Variants in RNF213 observed in about 807,000 individuals in gnomAD.
RNF213 encodes the protein E3 ubiquitin-protein ligase RNF213.
Under a neutral mutation model 514.4 loss-of-function variants are expected in RNF213, and 341 were observed. The observed-to-expected ratio is 0.66, with a 90% CI of 0.61 to 0.73. The LOEUF is 0.73. RNF213 is among the 30% of genes least tolerant of loss of function. RNF213 has a pLI of 0.00. For synonymous variants in RNF213, 2,655 were observed against 2,658.2 expected (o/e 1.00, Z 0.04); for missense variants, 5,767 against 6,615.6 (o/e 0.87, Z 4.45).
intron 2 of RNF213, among the ~76,000 whole-genome samples, chr17:80,272,491 C>T (rs1299616296): frequency 2.0e-5 from 3 of 152,040 alleles, no homozygotes; most frequent in African/African-American, 4.8e-5. Context: ...ACCCACCTGG[C>T]GGGTGCTAAT....
intron 10 of RNF213, among the ~76,000 whole-genome samples, chr17:80,296,463 C>T (rs2044952339): frequency 6.6e-6 from 1 of 152,174 alleles, no homozygotes; most frequent in African/African-American, 2.4e-5. Flanking sequence ...TCCCCATGCC[C>T]CTGCCTGTGC....
intron 15 of RNF213, among the ~76,000 whole-genome samples, chr17:80,314,338 T>TGTA (rs2045753449): frequency 5.7e-5 from 1 of 17,544 alleles, no homozygotes; most frequent in Non-Finnish European, 1.4e-4. Flanking sequence ...ATGGTGGTGG[T>TGTA]GGTGGTGGTG....
intron 15 of RNF213, chr17:80,316,430 A>G (rs2045951022): frequency 6.6e-6 from 1 of 152,474 alleles, no homozygotes; most frequent in Non-Finnish European, 1.5e-5. Context: ...AAGAAAAAAG[A>G]AAAAAATGAC....
Position 80,386,886 on chromosome 17 carries a change from C to T in RNF213, c.14917C>T (p.Leu4973Phe), listed in dbSNP as rs752913580. ...RFLQGKPRLS[L>F]KGIPTLVYRH... ...CCTCCAGGGCAAGCCCCGGCTGAGC[C>T]TCAAGGTAGGGCTGACTCCTGCCAC... The change falls in exon 63 of 68, where the codon CTC becomes TTC. Residue 4973 changes from leucine (L) to phenylalanine (F), a missense_variant. Transcript: ENST00000582970. 10 of 1,611,318 alleles carry T rather than the reference C, an allele frequency of 6.2e-6. No individual in the cohort carries two copies. Among genetic ancestry groups the T allele is most frequent in the Non-Finnish European group, 8.5e-6 (10 of 1,179,130 alleles).
In RNF213 at chr17:80,263,731, T is replaced by A. The variant is rs1226685254; in HGVS notation, c.50T>A (p.Phe17Tyr). 1 of 1,613,968 alleles carries A rather than the reference T, an allele frequency of 6.2e-7. No individual in the cohort carries two copies. ...QHVSKEETPK[F>Y]CSQCGERLPP... ...GTCTCCAAGGAGGAAACCCCCAAGT[T>A]CTGCAGCCAGTGCGGAGAGAGGCTG... The change falls in exon 2 of 68, where the codon TTC becomes TAC. Residue 17 changes from phenylalanine to tyrosine, a missense_variant. Phe to Tyr is a conservative substitution (Grantham distance 22, BLOSUM62 3). Coordinates refer to ENST00000582970, the MANE Select transcript of RNF213 (RefSeq NM_001256071.3). This position sits in a 1 kb window ranked among gnomAD's most constrained non-coding sequence, Gnocchi z 4.9.
Position 80,317,762 on chromosome 17 carries a change from A to G in RNF213, c.2901+485A>G, listed in dbSNP as rs1002541715. On this transcript the variant is annotated intron_variant, in intron 16 of 67. Transcript: ENST00000582970. The surrounding 1 kb of genome is among the most constrained non-coding windows in gnomAD (Gnocchi z 4.1). ...TCTCTTAGCTCCGCCGTCTATGGACAGTAGTGTGTTATCAGCTCAGTGGGT... is the reference window on the plus strand; with the variant it reads ...TCTCTTAGCTCCGCCGTCTATGGACGGTAGTGTGTTATCAGCTCAGTGGGT... Among the ~76,000 whole-genome samples, 8 of 152,146 alleles carry G rather than the reference A, an allele frequency of 5.3e-5. No homozygotes were observed. The highest frequency in any genetic ancestry group is 8.8e-5 in the Non-Finnish European group (6 of 68,010).
intron 36 of RNF213, among the ~76,000 whole-genome samples, chr17:80,357,628 C>T (rs144359866): frequency 4.7e-4 from 72 of 152,238 alleles, no homozygotes; most frequent in Middle Eastern, 3.4e-3. Flanking sequence ...TAGAGAACCT[C>T]GATGACTTGT....
chr17:80,333,707 C>CA (rs942851232), intron 21 of RNF213: 358 of 158,578 alleles, frequency 2.3e-3, no homozygotes, highest in South Asian at 8.8e-3. Flanking sequence ...AAAAAAAAAC[C>CA]AAAAAAAAAA....
intron 61 of RNF213, among the ~76,000 whole-genome samples, 193 bp downstream of exon 61, chr17:80,385,814 C>T (rs973917578): frequency 6.6e-6 from 1 of 152,120 alleles, no homozygotes; most frequent in East Asian, 1.9e-4. Flanking sequence ...CTCTGCCTCC[C>T]GGATTCAAGC....
chr17:80,321,432 T>C (rs1018556163), intron 17 of RNF213: 2 of 152,242 alleles, frequency 1.3e-5, no homozygotes, highest in Non-Finnish European at 2.9e-5. Flanking sequence ...TCTATGTTGC[T>C]TCTTCGGCTA....
intron 3 of RNF213, chr17:80,278,950 C>G (rs370607351): frequency 6.5e-7 from 1 of 1,534,208 alleles, no homozygotes; most frequent in Admixed American, 2.0e-5. Flanking sequence ...GCTCCCTGCC[C>G]TGGTGCATGC....
intron 14 of RNF213, among the ~76,000 whole-genome samples, chr17:80,312,349 T>C (rs2045599309): frequency 1.3e-5 from 2 of 151,136 alleles, no homozygotes; most frequent in Admixed American, 1.3e-4. Context: ...GGAAGAGGGG[T>C]TTTCCCTCTG....
At position 80,325,087 on chromosome 17, in the gene RNF213, G is replaced by A. The variant is rs1380518590; in HGVS notation, c.3082G>A (p.Val1028Ile). Residue 1028 changes from valine to isoleucine, a missense_variant, in exon 18 of 68, where the codon GTC (valine) becomes ATC (isoleucine). Coordinates refer to ENST00000582970, the MANE Select transcript of RNF213 (RefSeq NM_001256071.3). ...SYSDLRKFGI[V>I]LSAVITKSWP... is the part of the protein sequence containing the mutation. ...CTCTGATTTGCGGAAATTTGGCATC[G>A]TCTTGTCTGCTGTGATCACTAAGTC... The A allele has an allele frequency of 3.5e-5, 54 of 1,536,990 alleles. No homozygotes were observed. The highest frequency in any genetic ancestry group is 1.7e-4 in the Middle Eastern group (1 of 6,012).
chr17:80,391,050 A>G (rs935058144), intron 67 of RNF213, among the ~76,000 whole-genome samples: 3 of 152,156 alleles, frequency 2.0e-5, no homozygotes, highest in Non-Finnish European at 4.4e-5. Context: ...CAACAGAGGG[A>G]GACTTCATCT....
chr17:80,319,775 G>GT (rs1184879843), intron 17 of RNF213: 1 of 1,262,878 alleles, frequency 7.9e-7, no homozygotes, highest in Non-Finnish European at 1.0e-6. Flanking sequence ...GGAAGAGATT[G>GT]TGCCCCCCTG....
intron 11 of RNF213, among the ~76,000 whole-genome samples, chr17:80,305,044 A>G (rs1219958736): frequency 3.9e-5 from 6 of 151,990 alleles, no homozygotes; most frequent in Admixed American, 3.9e-4. Flanking sequence ...TTGTGTATTT[A>G]TTTATTTATT....
intron 47 of RNF213, among the ~76,000 whole-genome samples, 197 bp from the exon 48 acceptor site, chr17:80,372,324 G>T (rs186232347): frequency 2.6e-5 from 4 of 151,544 alleles, no homozygotes; most frequent in Admixed American, 2.0e-4. Flanking sequence ...TTCCTCATAG[G>T]TTCACTTTTC....
chr17:80,363,896 T>C (rs939425500), intron 41 of RNF213, 106 bp downstream of exon 41: 17 of 1,096,088 alleles, frequency 1.6e-5, no homozygotes, highest in Admixed American at 7.9e-5. Flanking sequence ...GCTCCTGCCA[T>C]GGGAGGGGCT....
At position 80,386,301 on chromosome 17, in the gene RNF213, C is replaced by CT; in HGVS notation, c.14592dup (p.Glu4865Ter). The CT allele has an allele frequency of 6.2e-7, 1 of 1,613,532 alleles. No individual in the cohort carries two copies. Among genetic ancestry groups the CT allele is most frequent in the Non-Finnish European group, 8.5e-7 (1 of 1,180,026 alleles). ...TGCAGCACTGACTTGGATCTGGACA[C>CT]TGAGTTTGAGATCCTCTTGCCACGC... On this transcript the variant is annotated frameshift_variant, in exon 62 of 68. Coordinates refer to ENST00000582970, the MANE Select transcript of RNF213 (RefSeq NM_001256071.3). LOFTEE classifies it high-confidence loss of function.
Sources: gnomAD v4.1 joint callset for allele counts (sites outside exome capture counted in the v4.1 genomes callset) on GRCh38, gnomAD v4.1.1 for gene constraint, Gnocchi (gnomAD v3.1) non-coding constraint, MANE v1.5 for transcripts, NCBI Gene and HGNC (gene_info 2026-07-23, HGNC 2026-07-21) for gene names.